Variants in SMAD2 observed in about 807,000 individuals in gnomAD.
SMAD2 encodes SMAD family member 2.
In SMAD2, 8 loss-of-function variants were observed where a neutral mutation model predicts 64.4. The ratio of observed to expected loss-of-function variants is 0.12; its 90% confidence interval spans 0.07 to 0.22. The LOEUF (loss-of-function observed/expected upper bound fraction) is 0.22. Ranked by LOEUF, SMAD2 falls within the 10% of genes least tolerant of loss-of-function variation. SMAD2 has a pLI of 1.00. For synonymous variants in SMAD2, 203 were observed against 195.8 expected (o/e 1.04, Z -0.31); for missense variants, 289 against 561.2 (o/e 0.51, Z 4.90).
intron 6 of SMAD2, among the ~76,000 whole-genome samples, chr18:47,860,056 A>G (rs1016956392): frequency 1.3e-5 from 2 of 152,072 alleles, no homozygotes; most frequent in African/African-American, 4.8e-5. Context: ...AGATTGCCTG[A>G]GCCTGGGAGG....
rs913305829 is a variant in SMAD2 at position 47,834,819 on chromosome 18, A to G, written c.*7008T>C. The G allele has an allele frequency of 1.1e-4, 23 of 218,358 alleles. No individual in the cohort carries two copies. Among genetic ancestry groups the G allele is most frequent in the African/African-American group, 5.2e-4 (23 of 44,464 alleles). 13.5% of individuals were successfully genotyped at this position (218,358 alleles called of 1,614,324 possible). ...CTTTTTGCAATTAATCCAGTTTTGT[A>G]TGTCTTTTCTTTCTTTTTTAGGTGA... On this transcript the variant is annotated 3_prime_UTR_variant, in exon 11 of 11. Coordinates refer to ENST00000262160, the MANE Select transcript of SMAD2 (RefSeq NM_005901.6).
rs1915343702 is a variant in SMAD2, at chr18:47,850,640, T to C, written c.784+634A>G. On this transcript the variant is annotated intron_variant, in intron 7 of 10. Coordinates refer to ENST00000262160, the MANE Select transcript of SMAD2 (RefSeq NM_005901.6). ...TTATATATTATATATATATTATATA[T>C]ATTATGTATAATATATATTATATAC... 6.2e-5 allele frequency among the ~76,000 whole-genome samples: 3 copies of C among 48,418 alleles called. No homozygotes were observed. In the South Asian group the frequency reaches 1.9e-3, roughly 30 times the overall value. 31.8% of individuals were successfully genotyped at this position (48,418 alleles called of 152,430 possible).
rs766523367 is a variant in SMAD2 at position 47,835,015 on chromosome 18, T to C, written c.*6812A>G. 1 of 221,574 alleles carries C rather than the reference T, an allele frequency of 4.5e-6. No homozygotes were observed. The highest frequency in any genetic ancestry group is 9.0e-6 in the Non-Finnish European group (1 of 110,680). 13.7% of individuals were successfully genotyped at this position (221,574 alleles called of 1,614,324 possible). On this transcript the variant is annotated 3_prime_UTR_variant, in exon 11 of 11. Transcript: ENST00000262160. ...ATGGCGAAAGGAATATTCTCAGATA[T>C]GAACATTTTTTATTCTGCCTACAAT...
rs1912220750 is a variant in SMAD2 at position 47,811,976 on chromosome 18, G to C, written c.*29851C>G. On this transcript the variant is annotated 3_prime_UTR_variant, in exon 11 of 11. Coordinates refer to ENST00000262160, the MANE Select transcript of SMAD2 (RefSeq NM_005901.6). ...TTTAGCCTCTGACCTCAAGGTGCTT[G>C]TATTAGTCTGTTCTCACACTGCTAT... The C allele has an allele frequency of 6.6e-6, 1 of 152,230 alleles. No homozygotes were observed. The highest frequency in any genetic ancestry group is 1.5e-5 in the Non-Finnish European group (1 of 68,052). 9.4% of individuals were successfully genotyped at this position (152,230 alleles called of 1,614,324 possible).
chr18:47,833,036 C>T lies in SMAD2; in HGVS notation c.*8791G>A, dbSNP rs553852596. 1.1e-5 allele frequency: 2 copies of T among 177,674 alleles called. No individual in the cohort carries two copies. The highest frequency in any genetic ancestry group is 2.4e-5 in the African/African-American group (1 of 42,134). The allele number at this position is 177,674 out of a possible 1,614,324, so 11.0% of individuals were successfully genotyped here. ...AGGGAGTGAACACCAAAATGTAATC[C>T]CATATAAAAAAAGATCAGTTTAAAT... is the stretch of plus-strand genomic sequence containing the variant. On this transcript the variant is annotated 3_prime_UTR_variant, in exon 11 of 11. Transcript: ENST00000262160.
At chr18:47,866,966 T>C (rs2031609062) in intron 5 of SMAD2, 1 of 152,224 alleles carries the variant, frequency 6.6e-6, no homozygotes, top group Admixed American at 6.5e-5. Flanking sequence ...ATGCGTGTTG[T>C]CCCTAAGACT....
At chr18:47,906,120 GA>G (rs1274694434) in intron 1 of SMAD2, among the ~76,000 whole-genome samples, 15 of 135,602 alleles carry the variant, frequency 1.1e-4, no homozygotes, top group Non-Finnish European at 1.6e-5. Flanking sequence ...GTCTCAAAAA[GA>G]AAAAAAAAGA....
rs572681991 is a variant in SMAD2, at chr18:47,827,896, C to T, written c.*13931G>A. On this transcript the variant is annotated 3_prime_UTR_variant, in exon 11 of 11. Coordinates refer to ENST00000262160, the MANE Select transcript of SMAD2 (RefSeq NM_005901.6). ...GCGGAGATTGCAGCCTCTGCCCGGCCGCCACCCCGTCTGGGAAGTGAGGAG... is the reference window on the plus strand; with the variant it reads ...GCGGAGATTGCAGCCTCTGCCCGGCTGCCACCCCGTCTGGGAAGTGAGGAG... 42 of 180,384 alleles carry T rather than the reference C, an allele frequency of 2.3e-4. No individual in the cohort carries two copies. In the East Asian group the frequency reaches 5.4e-3, roughly 23 times the overall value. The allele number at this position is 180,384 out of a possible 1,614,324, so 11.2% of individuals were successfully genotyped here. A position where few individuals can be genotyped will look rare whatever the true frequency, so the allele number is the denominator to read the frequency against.
At position 47,848,613 on chromosome 18, in the gene SMAD2, C is replaced by T. The variant is rs2144300486; in HGVS notation, c.859G>A (p.Gly287Arg). The change falls in exon 8 of 11, where the codon GGA becomes AGA. Residue 287 changes from glycine (G) to arginine (R), a missense_variant. Gly to Arg is a moderately radical substitution (Grantham distance 125, BLOSUM62 -2). This residue lies in a region of SMAD2 where 8 missense variants were observed against 54.1 expected (regional missense o/e 0.15). Coordinates refer to ENST00000262160, the MANE Select transcript of SMAD2 (RefSeq NM_005901.6). ...IAYYELNQRV[G>R]ETFHASQPSL... is the part of the protein sequence containing the mutation. ...GGCTGTGATGCATGGAAGGTTTCTC[C>T]AACCCTCTGATTTAATTCATAATAT... 1.2e-6 allele frequency: 2 copies of T among 1,613,828 alleles called. No individual in the cohort carries two copies. The highest frequency in any genetic ancestry group is 1.7e-6 in the Non-Finnish European group (2 of 1,179,874).
At position 47,839,779 on chromosome 18, in the gene SMAD2, T is replaced by G. The variant is rs765895454; in HGVS notation, c.*2048A>C. 9 of 233,156 alleles carry G rather than the reference T, an allele frequency of 3.9e-5. No individual in the cohort carries two copies. The highest frequency in any genetic ancestry group is 6.8e-5 in the Non-Finnish European group (8 of 118,062). 14.4% of individuals were successfully genotyped at this position (233,156 alleles called of 1,614,324 possible). A position where few individuals can be genotyped will look rare whatever the true frequency, so the allele number is the denominator to read the frequency against. On this transcript the variant is annotated 3_prime_UTR_variant, in exon 11 of 11. Coordinates refer to ENST00000262160, the MANE Select transcript of SMAD2 (RefSeq NM_005901.6). Reference sequence around the variant, plus strand: ...TCCTTTAGTGTGAACCTTTTTGCATTTGATGCTATTCTCTTTGCCAGGAAT... The same window carrying G: ...TCCTTTAGTGTGAACCTTTTTGCATGTGATGCTATTCTCTTTGCCAGGAAT...
chr18:47,868,247 ATTTACT>A, intron 5 of SMAD2, 70 bp downstream of exon 5: 1 of 1,287,172 alleles, frequency 7.8e-7, no homozygotes, highest in Non-Finnish European at 1.1e-6. Context: ...TGAAACCACA[ATTTACT>A]AAAACTTGAA....
intron 5 of SMAD2, 116 bp downstream of exon 5, chr18:47,868,207 A>G: frequency 2.3e-6 from 2 of 884,658 alleles, no homozygotes; most frequent in Non-Finnish European, 3.7e-6. Flanking sequence ...CAATTTTTCT[A>G]TTAAAAACTC....
chr18:47,885,710 C>T (rs953712649), intron 2 of SMAD2, among the ~76,000 whole-genome samples: 2 of 151,966 alleles, frequency 1.3e-5, no homozygotes, highest in African/African-American at 4.8e-5. Context: ...GCTTGTAATC[C>T]CAGCACTTTG....
chr18:47,891,991 A>G (rs1429830811), intron 2 of SMAD2, among the ~76,000 whole-genome samples: 1 of 152,208 alleles, frequency 6.6e-6, no homozygotes, highest in East Asian at 1.9e-4. Context: ...TTCATAATTA[A>G]GTGTTAACAT....
rs1912185300 is a variant in SMAD2 at position 47,811,060 on chromosome 18, C to T, written c.*30767G>A. The T allele has an allele frequency of 1.3e-5, 2 of 152,276 alleles. No individual in the cohort carries two copies. Among genetic ancestry groups the T allele is most frequent in the Non-Finnish European group, 2.9e-5 (2 of 68,108 alleles). 9.4% of individuals were successfully genotyped at this position (152,276 alleles called of 1,614,324 possible). On this transcript the variant is annotated 3_prime_UTR_variant, in exon 11 of 11. Coordinates refer to ENST00000262160, the MANE Select transcript of SMAD2 (RefSeq NM_005901.6). The stretch of plus-strand genomic sequence containing the variant: ...AACTGACACACATCTGACTCTATCC[C>T]CCAAGCCCCAAATGTGCAATAAAGA...
intron 2 of SMAD2, among the ~76,000 whole-genome samples, chr18:47,874,446 A>C (rs540033740): frequency 6.9e-4 from 105 of 152,334 alleles, no homozygotes; most frequent in African/African-American, 2.4e-3. Flanking sequence ...GGATGATTGA[A>C]ATTTCTTTAT....
At position 47,815,468 on chromosome 18, in the gene SMAD2, T is replaced by C. The variant is rs1484041536; in HGVS notation, c.*26359A>G. 1 of 152,220 alleles carries C rather than the reference T, an allele frequency of 6.6e-6. No homozygotes were observed. The highest frequency in any genetic ancestry group is 1.5e-5 in the Non-Finnish European group (1 of 68,034). The allele number at this position is 152,220 out of a possible 1,614,324, so 9.4% of individuals were successfully genotyped here. ...ATAATCATTTTGGGTTTTCTGAAAA[T>C]GCAGATCCCAGTGCTCCAATTCCAG... On this transcript the variant is annotated 3_prime_UTR_variant, in exon 11 of 11. Transcript: ENST00000262160.
chr18:47,915,320 T>C lies in SMAD2; in HGVS notation c.-54+15041A>G, dbSNP rs139228894. On this transcript the variant is annotated intron_variant, in intron 1 of 10. Coordinates refer to ENST00000262160, the MANE Select transcript of SMAD2 (RefSeq NM_005901.6). ...CAGTTCTGTACATTTTATAAATTTA[T>C]ATGAAAGTGTGATACTGTTCAGTCC... Among the ~76,000 whole-genome samples the C allele has an allele frequency of 7.3e-3, 1,110 of 152,320 alleles. 9 individuals carry two copies. Among genetic ancestry groups the C allele is most frequent in the African/African-American group, 0.025 (1,047 of 41,562 alleles).
chr18:47,865,041 C>G lies in SMAD2; in HGVS notation c.730+18G>C. ...GTATATCTAATAACTGAGGAATTTT[C>G]AAAGACATTTTTTTTACCTGTGTCC... On this transcript the variant is annotated intron_variant, in intron 6 of 10. Coordinates refer to ENST00000262160, the MANE Select transcript of SMAD2 (RefSeq NM_005901.6). 1 of 1,481,666 alleles carries G rather than the reference C, an allele frequency of 6.7e-7. No individual in the cohort carries two copies. The highest frequency in any genetic ancestry group is 9.4e-7 in the Non-Finnish European group (1 of 1,061,588). 91.8% of individuals were successfully genotyped at this position (1,481,666 alleles called of 1,614,324 possible). A position where few individuals can be genotyped will look rare whatever the true frequency, so the allele number is the denominator to read the frequency against.
Sources: allele counts gnomAD v4.1 joint callset (sites outside exome capture counted in the v4.1 genomes callset), GRCh38; gene constraint gnomAD v4.1.1; regional missense constraint gnomAD v4.1.1; transcripts MANE v1.5; gene names NCBI Gene and HGNC (gene_info 2026-07-23, HGNC 2026-07-21).